The following RBFOX1 variants were observed in gnomAD, a reference collection of about 807,000 sequenced individuals.
The protein encoded by RBFOX1 is RNA binding fox-1 homolog 1.
RBFOX1 carries 8 observed loss-of-function variants against 57.7 expected under a neutral mutation model. That is an observed-to-expected ratio of 0.14 (90% CI 0.08 to 0.25). The LOEUF (loss-of-function observed/expected upper bound fraction) is 0.25, where lower values mean the gene tolerates loss of function less well. Among genes scored for constraint, RBFOX1 ranks in the 10% least tolerant of loss-of-function variants. The pLI is 1.00. For missense variants in RBFOX1, 611 were observed against 548.5 expected, an observed-to-expected ratio of 1.11 and a Z score of -1.14; for synonymous variants, 326 against 222.4, an observed-to-expected ratio of 1.47 and a Z score of -4.15.
At chr16:7,577,601 C>G (rs563631455) in intron 5 of RBFOX1, among the ~76,000 whole-genome samples, 1 of 152,178 alleles carries the variant, frequency 6.6e-6, no homozygotes, top group Non-Finnish European at 1.5e-5. Context: ...GCCTCTTATC[C>G]CAACATTTAC....
intron 14 of RBFOX1, among the ~76,000 whole-genome samples, chr16:7,692,164 C>T (rs1446416532): frequency 2.0e-5 from 3 of 152,018 alleles, no homozygotes; most frequent in African/African-American, 7.2e-5. Flanking sequence ...CTTTTATTGT[C>T]TTAAGGAAAG....
Position 6,019,497 on chromosome 16 carries a change from C to G in RBFOX1, c.-622C>G. ...TCCCTCCCCCTCCGCCCCAGCCCCC[C>G]AGCAGCACCCGCGGTGGGGCGGGGG... is the stretch of plus-strand genomic sequence containing the variant. On this transcript the variant is annotated 5_prime_UTR_variant, in exon 1 of 16. Coordinates refer to ENST00000550418, the MANE Select transcript of RBFOX1 (RefSeq NM_018723.4). The surrounding 1 kb of genome is among the most constrained non-coding windows in gnomAD (Gnocchi z 4.2). 3 of 1,022,396 alleles carry G rather than the reference C, an allele frequency of 2.9e-6. No individual in the cohort carries two copies. Among genetic ancestry groups the G allele is most frequent in the Non-Finnish European group, 3.5e-6 (3 of 854,214 alleles). The allele number at this position is 1,022,396 out of a possible 1,614,324, so 63.3% of individuals were successfully genotyped here. A position where few individuals can be genotyped will look rare whatever the true frequency, so the allele number is the denominator to read the frequency against.
chr16:5,718,252 G>T (rs1248422907), intron 3 of RBFOX1, among the ~76,000 whole-genome samples: 1 of 152,210 alleles, frequency 6.6e-6, no homozygotes, highest in African/African-American at 2.4e-5. Flanking sequence ...CATTTATTAA[G>T]AATCCATGTG....
At position 7,161,264 on chromosome 16, in the gene RBFOX1, G is replaced by C. The variant is rs540119182; in HGVS notation, c.27+109166G>C. 7.2e-4 allele frequency among the ~76,000 whole-genome samples: 109 copies of C among 152,284 alleles called. 3 individuals carry two copies. In the South Asian group the frequency reaches 0.022, roughly 31 times the overall value. On this transcript the variant is annotated intron_variant, in intron 4 of 15. Transcript: ENST00000550418. ...GTGCTATGATTGATTAATGATGTCT[G>C]CTGTGACCATGAGATAGGGGAATGC...
chr16:6,114,285 CGTT>C (rs1390963701), intron 1 of RBFOX1, among the ~76,000 whole-genome samples: 1 of 152,118 alleles, frequency 6.6e-6, no homozygotes, highest in Non-Finnish European at 1.5e-5. Flanking sequence ...ATTCTTCTGT[CGTT>C]GACCATTTTA....
intron 4 of RBFOX1, among the ~76,000 whole-genome samples, chr16:7,381,290 G>T (rs913844093): frequency 2.6e-5 from 4 of 152,142 alleles, no homozygotes; most frequent in African/African-American, 9.7e-5. Flanking sequence ...GTCCTTGTTG[G>T]CTCATAATAT....
chr16:5,551,316 G>A (rs868135217), intron 2 of RBFOX1, among the ~76,000 whole-genome samples: 2 of 152,140 alleles, frequency 1.3e-5, no homozygotes, highest in Admixed American at 6.5e-5. Flanking sequence ...GGAGGCAGCT[G>A]GTCTGCCCAG....
intron 4 of RBFOX1, among the ~76,000 whole-genome samples, chr16:7,354,823 G>C (rs2097186598): frequency 6.6e-6 from 1 of 152,138 alleles, no homozygotes; most frequent in African/African-American, 2.4e-5. Context: ...TGTGTTGGTT[G>C]TACTAGACAG....
intron 3 of RBFOX1, among the ~76,000 whole-genome samples, chr16:5,815,118 T>G (rs2055583366): frequency 6.6e-6 from 1 of 151,372 alleles, no homozygotes; most frequent in African/African-American, 2.4e-5. Flanking sequence ...TCACTGGGAC[T>G]GCAGGTGTGC....
At chr16:6,054,262 A>G (rs1189151320) in intron 1 of RBFOX1, among the ~76,000 whole-genome samples, 1 of 152,166 alleles carries the variant, frequency 6.6e-6, no homozygotes, top group African/African-American at 2.4e-5. Context: ...GGAGGCAGGG[A>G]AGAATTATAA....
intron 3 of RBFOX1, among the ~76,000 whole-genome samples, chr16:6,764,018 C>T (rs1228478177): frequency 6.6e-6 from 1 of 152,156 alleles, no homozygotes; most frequent in Non-Finnish European, 1.5e-5. Flanking sequence ...GATGTTAATG[C>T]TGTCTGCATG....
chr16:5,908,644 T>C (rs982527756), intron 4 of RBFOX1, among the ~76,000 whole-genome samples: 1 of 152,208 alleles, frequency 6.6e-6, no homozygotes, highest in Non-Finnish European at 1.5e-5. Context: ...AATTACTATA[T>C]GATCCTCCCT....
chr16:6,588,924 T>C (rs2097670462), intron 2 of RBFOX1, among the ~76,000 whole-genome samples: 1 of 152,152 alleles, frequency 6.6e-6, no homozygotes, highest in Non-Finnish European at 1.5e-5. Context: ...AACTGACAAA[T>C]TTCCCCAGGA....
chr16:7,505,426 G>A (rs771727585), intron 4 of RBFOX1, among the ~76,000 whole-genome samples: 7 of 152,162 alleles, frequency 4.6e-5, no homozygotes, highest in Non-Finnish European at 7.3e-5. Flanking sequence ...GCTTGATGCC[G>A]TTGGTTGGGA....
chr16:5,749,350 T>C (rs2053106930), intron 3 of RBFOX1, among the ~76,000 whole-genome samples: 1 of 152,152 alleles, frequency 6.6e-6, no homozygotes, highest in South Asian at 2.1e-4. Flanking sequence ...TGTCTTGGAG[T>C]TGCTCTTCTC....
chr16:7,430,741 A>C (rs1214308505), intron 4 of RBFOX1, among the ~76,000 whole-genome samples: 2 of 151,962 alleles, frequency 1.3e-5, no homozygotes, highest in African/African-American at 4.8e-5. Context: ...ATTGGACTTC[A>C]AGTTCAGTGG....
chr16:7,228,781 A>C (rs2093311135), intron 4 of RBFOX1, among the ~76,000 whole-genome samples: 1 of 152,196 alleles, frequency 6.6e-6, no homozygotes, highest in Non-Finnish European at 1.5e-5. Flanking sequence ...TTCCCATTAT[A>C]ATTTATTTTG....
intron 4 of RBFOX1, among the ~76,000 whole-genome samples, chr16:7,071,673 A>G (rs946204214): frequency 2.0e-5 from 3 of 151,698 alleles, no homozygotes; most frequent in Non-Finnish European, 2.9e-5. Flanking sequence ...ATACATATAT[A>G]TATATTTTCC....
chr16:6,808,542 A>G (rs1191276319), intron 3 of RBFOX1, among the ~76,000 whole-genome samples: 1 of 152,110 alleles, frequency 6.6e-6, no homozygotes, highest in Non-Finnish European at 1.5e-5. Context: ...AGGTTTGCAT[A>G]CTCAACAAAC....
Sources: allele counts gnomAD v4.1 joint callset (sites outside exome capture counted in the v4.1 genomes callset), GRCh38; gene constraint gnomAD v4.1.1; non-coding constraint Gnocchi (gnomAD v3.1); transcripts MANE v1.5; gene names NCBI Gene and HGNC (gene_info 2026-07-23, HGNC 2026-07-21).